CTNNA2: variants seen among roughly 807,000 people sequenced by gnomAD.
CTNNA2 encodes the protein catenin alpha-2.
A neutral mutation model predicts 101.0 loss-of-function variants in CTNNA2; 42 were observed. That is an observed-to-expected ratio of 0.42 (90% CI 0.32 to 0.54). CTNNA2 has a LOEUF of 0.54. Among genes scored for constraint, CTNNA2 ranks in the 20% least tolerant of loss-of-function variants. The probability of loss-of-function intolerance (pLI) is 0.14; values close to 1 mark genes in which losing one functional copy is unlikely to be tolerated. For synonymous variants in CTNNA2, 450 were observed against 456.4 expected (o/e 0.99, Z 0.18); for missense variants, 871 against 1,223.1 (o/e 0.71, Z 4.29).
chr2:79,348,951 G>A (rs1429235298), intron 3 of CTNNA2, among the ~76,000 whole-genome samples: 1 of 152,064 alleles, frequency 6.6e-6, no homozygotes, highest in Non-Finnish European at 1.5e-5. Flanking sequence ...CCTTTTTGTA[G>A]GCCAGAGAAC....
intron 7 of CTNNA2, among the ~76,000 whole-genome samples, chr2:80,099,355 G>A (rs1700393050): frequency 6.6e-6 from 1 of 152,078 alleles, no homozygotes; most frequent in African/African-American, 2.4e-5. Flanking sequence ...ACCAAGGGAG[G>A]AGATAGTCCT....
chr2:80,361,561 G>T (rs561083280), intron 7 of CTNNA2, among the ~76,000 whole-genome samples: 1 of 152,098 alleles, frequency 6.6e-6, no homozygotes, highest in South Asian at 2.1e-4. Flanking sequence ...ACTTCCATTT[G>T]GGTGACACAT....
intron 9 of CTNNA2, among the ~76,000 whole-genome samples, chr2:80,512,676 TC>T (rs1322757788): frequency 2.0e-5 from 1 of 49,396 alleles, no homozygotes; most frequent in Non-Finnish European, 3.6e-5. Context: ...ATTTTTAAAT[TC>T]TTTTTTTTTG....
At chr2:80,137,332 A>G (rs1477348009) in intron 7 of CTNNA2, among the ~76,000 whole-genome samples, 3 of 152,184 alleles carry the variant, frequency 2.0e-5, no homozygotes, top group Non-Finnish European at 4.4e-5. Flanking sequence ...AAAAGGATGA[A>G]CTATAAAACT....
chr2:80,151,621 G>A (rs1203266776), intron 7 of CTNNA2, among the ~76,000 whole-genome samples: 2 of 152,150 alleles, frequency 1.3e-5, no homozygotes, highest in African/African-American at 4.8e-5. Flanking sequence ...CTCTGCCATT[G>A]TCTTATTCCT....
chr2:80,422,888 T>C (rs1680654787), intron 9 of CTNNA2, among the ~76,000 whole-genome samples: 1 of 141,804 alleles, frequency 7.1e-6, no homozygotes, highest in African/African-American at 3.2e-5. Flanking sequence ...AGGTTTAAAA[T>C]CATATGACTA....
chr2:80,399,074 A>ATTTT (rs1177289085), intron 8 of CTNNA2, among the ~76,000 whole-genome samples: 1 of 119,110 alleles, frequency 8.4e-6, no homozygotes, highest in South Asian at 2.5e-4. Context: ...ACGCCTGGCT[A>ATTTT]ATTTTTTTTT....
At chr2:80,258,784 A>C (rs1672370083) in intron 7 of CTNNA2, among the ~76,000 whole-genome samples, 2 of 152,030 alleles carry the variant, frequency 1.3e-5, no homozygotes, top group Non-Finnish European at 2.9e-5. Flanking sequence ...TGCTGATTGA[A>C]CCTGGATTCC....
chr2:80,305,283 C>T, intron 7 of CTNNA2: 1 of 985,256 alleles, frequency 1.0e-6, no homozygotes, highest in South Asian at 4.7e-5. Flanking sequence ...TTTGGGAAGC[C>T]ATCCAAGTCC....
At chr2:79,279,300 G>A (rs1675298540) in intron 2 of CTNNA2, among the ~76,000 whole-genome samples, 3 of 152,048 alleles carry the variant, frequency 2.0e-5, no homozygotes, top group Non-Finnish European at 4.4e-5. Context: ...GGCAGGAGTG[G>A]ATGGTATAAC....
chr2:80,186,558 C>T (rs756048114), intron 7 of CTNNA2, among the ~76,000 whole-genome samples: 1 of 152,292 alleles, frequency 6.6e-6, no homozygotes, highest in Non-Finnish European at 1.5e-5. Context: ...AGTTAAATGT[C>T]AGAACACATT....
chr2:80,298,013 C>T (rs1346908419), intron 7 of CTNNA2, among the ~76,000 whole-genome samples: 1 of 150,414 alleles, frequency 6.6e-6, no homozygotes, highest in Non-Finnish European at 1.5e-5. Context: ...GTGTGTGGTA[C>T]TATGTGGTTT....
intron 11 of CTNNA2, among the ~76,000 whole-genome samples, chr2:80,550,867 C>G (rs567162344): frequency 1.9e-4 from 29 of 152,248 alleles, no homozygotes; most frequent in African/African-American, 6.7e-4. Flanking sequence ...TGACTTTCTC[C>G]GGTGAATCAA....
intron 4 of CTNNA2, among the ~76,000 whole-genome samples, chr2:79,416,713 G>A (rs376999246): frequency 3.3e-5 from 5 of 151,928 alleles, no homozygotes; most frequent in Non-Finnish European, 5.9e-5. Flanking sequence ...ACAGTTCCCC[G>A]AGAGCACAGG....
intron 7 of CTNNA2, among the ~76,000 whole-genome samples, chr2:79,939,890 C>T (rs1363254728): frequency 2.6e-5 from 4 of 152,016 alleles, no homozygotes; most frequent in African/African-American, 9.7e-5. Flanking sequence ...GTCGGGAGTT[C>T]GAGACCAGCC....
chr2:80,628,362 A>G (rs1442394431), intron 18 of CTNNA2, among the ~76,000 whole-genome samples: 1 of 152,090 alleles, frequency 6.6e-6, no homozygotes, highest in East Asian at 1.9e-4. Context: ...CTGACTTCAA[A>G]CTACTACAAG....
At chr2:79,869,973 G>A (rs765806909) in intron 5 of CTNNA2, 38 bp downstream of exon 5, 1 of 1,608,008 alleles carries the variant, frequency 6.2e-7, no homozygotes, top group Non-Finnish European at 8.5e-7. Context: ...GAGAAAATGG[G>A]TGAGTTTAAA....
At chr2:80,167,854 T>C (rs1471925925) in intron 7 of CTNNA2, among the ~76,000 whole-genome samples, 3 of 152,178 alleles carry the variant, frequency 2.0e-5, no homozygotes, top group Non-Finnish European at 4.4e-5. Context: ...TAATACGTGA[T>C]TGTAACTGGA....
At chr2:80,250,071 C>T (rs1484141583) in intron 7 of CTNNA2, among the ~76,000 whole-genome samples, 1 of 152,100 alleles carries the variant, frequency 6.6e-6, no homozygotes, top group Non-Finnish European at 1.5e-5. Context: ...CTTTGCCTCG[C>T]CCCCTTTCTT....
Sources: allele counts gnomAD v4.1 joint callset (sites outside exome capture counted in the v4.1 genomes callset), GRCh38; gene constraint gnomAD v4.1.1; transcripts MANE v1.5; gene names NCBI Gene and HGNC (gene_info 2026-07-23, HGNC 2026-07-21).